Variants in TRIM44 observed in about 807,000 individuals in gnomAD.
TRIM44 encodes the protein tripartite motif-containing protein 44.
Under a neutral mutation model 37.4 loss-of-function variants are expected in TRIM44, and 13 were observed. The observed-to-expected ratio is 0.35, with a 90% CI of 0.23 to 0.55. The LOEUF is 0.55. Ranked by LOEUF, TRIM44 falls within the 20% of genes least tolerant of loss-of-function variation. The pLI is 0.89. For synonymous variants in TRIM44, 175 were observed against 157.2 expected, an observed-to-expected ratio of 1.11 and a Z score of -0.85; for missense variants, 426 against 437.2, an observed-to-expected ratio of 0.97 and a Z score of 0.23.
chr11:35,711,054 G>A (rs1295345311), intron 2 of TRIM44, among the ~76,000 whole-genome samples: 8 of 152,154 alleles, frequency 5.3e-5, no homozygotes, highest in Admixed American at 4.6e-4. Context: ...AGGAATGTGG[G>A]GTGACTGCTA....
At position 35,812,357 on chromosome 11, in the gene TRIM44, A is replaced by G. The variant is rs1407329994; in HGVS notation, c.*5972A>G. 1 of 152,176 alleles carries G rather than the reference A, an allele frequency of 6.6e-6. No individual in the cohort carries two copies. The highest frequency in any genetic ancestry group is 1.9e-4 in the East Asian group (1 of 5,188). The allele number at this position is 152,176 out of a possible 1,614,324, so 9.4% of individuals were successfully genotyped here. A position where few individuals can be genotyped will look rare whatever the true frequency, so the allele number is the denominator to read the frequency against. ...AAGCAAAAGACTGCTTGAAGTCAGT[A>G]ACAGACTGCACTAAGTGTCTGTGCT... On this transcript the variant is annotated 3_prime_UTR_variant, in exon 5 of 5. Coordinates refer to ENST00000299413, the MANE Select transcript of TRIM44 (RefSeq NM_017583.6).
intron 2 of TRIM44, 22 bp downstream of exon 2, chr11:35,685,358 T>C (rs746794791): frequency 3.7e-6 from 6 of 1,603,552 alleles, no homozygotes; most frequent in South Asian, 3.3e-5. Flanking sequence ...TTGGAATTGA[T>C]TGGGTGTTGG....
In TRIM44 at chr11:35,812,705, C is replaced by G. The variant is rs1010077649; in HGVS notation, c.*6320C>G. Reference sequence around the variant, plus strand: ...TTGGTGAATAACAACACTGATCCCCCTACAACTACCCCCACACATGTACAG... The same window carrying G: ...TTGGTGAATAACAACACTGATCCCCGTACAACTACCCCCACACATGTACAG... On this transcript the variant is annotated 3_prime_UTR_variant, in exon 5 of 5. Coordinates refer to ENST00000299413, the MANE Select transcript of TRIM44 (RefSeq NM_017583.6). The G allele has an allele frequency of 1.3e-5, 2 of 152,344 alleles. No individual in the cohort carries two copies. Among genetic ancestry groups the G allele is most frequent in the African/African-American group, 4.8e-5 (2 of 41,442 alleles). The allele number at this position is 152,344 out of a possible 1,614,324, so 9.4% of individuals were successfully genotyped here. A position where few individuals can be genotyped will look rare whatever the true frequency, so the allele number is the denominator to read the frequency against.
Position 35,808,827 on chromosome 11 carries a change from G to A in TRIM44, c.*2442G>A, listed in dbSNP as rs555545731. On this transcript the variant is annotated 3_prime_UTR_variant, in exon 5 of 5. Coordinates refer to ENST00000299413, the MANE Select transcript of TRIM44 (RefSeq NM_017583.6). ...TGTAAGAACTAGGATGCTTCCTGCA[G>A]TGGCACTACCTTCCCCTAGAGCTGG... 6.6e-6 allele frequency: 1 copy of A among 152,356 alleles called. No individual in the cohort carries two copies. Among genetic ancestry groups the A allele is most frequent in the South Asian group, 2.1e-4 (1 of 4,826 alleles). The allele number at this position is 152,356 out of a possible 1,614,324, so 9.4% of individuals were successfully genotyped here.
At position 35,810,736 on chromosome 11, in the gene TRIM44, T is replaced by G. The variant is rs541457003; in HGVS notation, c.*4351T>G. On this transcript the variant is annotated 3_prime_UTR_variant, in exon 5 of 5. Coordinates refer to ENST00000299413, the MANE Select transcript of TRIM44 (RefSeq NM_017583.6). ...GAGGGGACAGCAGATTAATACTTAA[T>G]GAGGGTTAAACCTGACCAGTCTTTC... 9 of 152,298 alleles carry G rather than the reference T, an allele frequency of 5.9e-5. No individual in the cohort carries two copies. Among genetic ancestry groups the G allele is most frequent in the African/African-American group, 2.2e-4 (9 of 41,558 alleles). 9.4% of individuals were successfully genotyped at this position (152,298 alleles called of 1,614,324 possible).
intron 4 of TRIM44, among the ~76,000 whole-genome samples, chr11:35,778,657 T>C (rs954206393): frequency 3.9e-5 from 6 of 152,216 alleles, no homozygotes; most frequent in African/African-American, 1.4e-4. Context: ...GGATGTCCTT[T>C]CTGTTTGTTA....
intron 1 of TRIM44, among the ~76,000 whole-genome samples, chr11:35,682,227 C>T (rs1270381353): frequency 6.6e-6 from 1 of 152,136 alleles, no homozygotes. Flanking sequence ...TGCAGAGCCT[C>T]TCCTTGAGTC....
In TRIM44 at chr11:35,816,114, C is replaced by T. The variant is rs1386023551; in HGVS notation, c.*9729C>T. 1 of 152,166 alleles carries T rather than the reference C, an allele frequency of 6.6e-6. No individual in the cohort carries two copies. The highest frequency in any genetic ancestry group is 2.4e-5 in the African/African-American group (1 of 41,434). The allele number at this position is 152,166 out of a possible 1,614,324, so 9.4% of individuals were successfully genotyped here. On this transcript the variant is annotated 3_prime_UTR_variant, in exon 5 of 5. Transcript: ENST00000299413. ...CTTTTATCACTCCACCCTGCCTCTA[C>T]TCCTCCGCCTCCTATTCTTCCGGCC...
At chr11:35,748,846 G>C (rs1323840409) in intron 4 of TRIM44, among the ~76,000 whole-genome samples, 1 of 152,112 alleles carries the variant, frequency 6.6e-6, no homozygotes, top group African/African-American at 2.4e-5. Context: ...TTCCTAACTT[G>C]GTTCTATGGC....
At chr11:35,777,516 TG>T (rs1459166683) in intron 4 of TRIM44, among the ~76,000 whole-genome samples, 1 of 152,210 alleles carries the variant, frequency 6.6e-6, no homozygotes, top group Non-Finnish European at 1.5e-5. Flanking sequence ...CTGGTTATTT[TG>T]CTCGTTAGTT....
intron 1 of TRIM44, among the ~76,000 whole-genome samples, chr11:35,673,242 G>A (rs1294482898): frequency 2.0e-5 from 3 of 152,140 alleles, no homozygotes; most frequent in Non-Finnish European, 4.4e-5. Flanking sequence ...GTTATAGAAG[G>A]CATCTCTGAG....
chr11:35,678,330 C>G (rs1590497596), intron 1 of TRIM44, among the ~76,000 whole-genome samples: 1 of 152,048 alleles, frequency 6.6e-6, no homozygotes, highest in African/African-American at 2.4e-5. Flanking sequence ...TACATGCCAA[C>G]TGGATATGGC....
rs529543968 is a variant in TRIM44, at chr11:35,668,526, C to G, written c.669+4746C>G. On this transcript the variant is annotated intron_variant, in intron 1 of 4. Transcript: ENST00000299413. ...TAATGGCTTCTGGCTCCATCCATGT[C>G]CCTGCAAAGGACATGATCGGATTCC... is the stretch of plus-strand genomic sequence containing the variant. 2.0e-5 allele frequency among the ~76,000 whole-genome samples: 3 copies of G among 152,338 alleles called. No individual in the cohort carries two copies. In the East Asian group the frequency reaches 5.8e-4, roughly 29 times the overall value.
chr11:35,784,864 G>A (rs1555624), intron 4 of TRIM44, among the ~76,000 whole-genome samples: 1,945 of 152,194 alleles, frequency 0.013, 44 homozygotes, highest in African/African-American at 0.044. Context: ...TTCATAATGA[G>A]TACTTTTCCC....
At chr11:35,687,930 TA>T (rs1851599515) in intron 2 of TRIM44, among the ~76,000 whole-genome samples, 2 of 152,174 alleles carry the variant, frequency 1.3e-5, no homozygotes, top group South Asian at 4.1e-4. Context: ...ATGCTGTATA[TA>T]CTTGGAGCCA....
chr11:35,749,100 G>GCATTCT (rs1249560905), intron 4 of TRIM44, among the ~76,000 whole-genome samples: 1 of 152,166 alleles, frequency 6.6e-6, no homozygotes, highest in Admixed American at 6.5e-5. Flanking sequence ...AGTCTCAGTT[G>GCATTCT]GAGGAGAAAC....
intron 2 of TRIM44, among the ~76,000 whole-genome samples, chr11:35,723,997 A>G (rs957782824): frequency 2.6e-5 from 4 of 152,242 alleles, no homozygotes; most frequent in African/African-American, 9.6e-5. Context: ...AATCTGATAC[A>G]GAATTTACAG....
chr11:35,671,496 A>C (rs973674189), intron 1 of TRIM44, among the ~76,000 whole-genome samples: 1 of 152,250 alleles, frequency 6.6e-6, no homozygotes, highest in Admixed American at 6.5e-5. Flanking sequence ...GAGGCTAATT[A>C]TACAAGTTTA....
At chr11:35,694,567 G>A (rs1851674520) in intron 2 of TRIM44, among the ~76,000 whole-genome samples, 1 of 151,898 alleles carries the variant, frequency 6.6e-6, no homozygotes, top group Admixed American at 6.6e-5. Context: ...TTTGTTCATA[G>A]AAGCATAAAC....
Sources: gnomAD v4.1 joint callset for allele counts (sites outside exome capture counted in the v4.1 genomes callset) on GRCh38, gnomAD v4.1.1 for gene constraint, MANE v1.5 for transcripts, NCBI Gene and HGNC (gene_info 2026-07-23, HGNC 2026-07-21) for gene names.